The following TAFA2 variants were observed in gnomAD, a reference collection of about 807,000 sequenced individuals.
TAFA2 encodes the protein TAFA chemokine like family member 2, also known as chemokine-like protein TAFA-2.
A neutral mutation model predicts 18.8 loss-of-function variants in TAFA2; 7 were observed. That is an observed-to-expected ratio of 0.37 (90% CI 0.21 to 0.70). TAFA2 has a LOEUF of 0.70. Ranked by LOEUF, TAFA2 falls within the 30% of genes least tolerant of loss-of-function variation. The probability of loss-of-function intolerance (pLI) is 0.53; values close to 1 mark genes in which losing one functional copy is unlikely to be tolerated. For synonymous variants in TAFA2, 60 were observed against 54.2 expected (o/e 1.11, Z -0.47); for missense variants, 122 against 158.1 (o/e 0.77, Z 1.23).
intron 1 of TAFA2, among the ~76,000 whole-genome samples, chr12:62,029,823 CT>C (rs1297794373): frequency 2.5e-4 from 38 of 151,736 alleles, no homozygotes; most frequent in Middle Eastern, 6.8e-3. Context: ...CTCTCTCTCT[CT>C]CTCTCTCTCT....
intron 1 of TAFA2, among the ~76,000 whole-genome samples, chr12:61,907,318 G>A (rs1045649280): frequency 6.6e-6 from 1 of 152,194 alleles, no homozygotes; most frequent in Admixed American, 6.5e-5. Context: ...AGGACATGGT[G>A]CCCTGCATCC....
At chr12:61,722,942 A>G (rs536879083) in intron 4 of TAFA2, among the ~76,000 whole-genome samples, 1 of 152,246 alleles carries the variant, frequency 6.6e-6, no homozygotes, top group South Asian at 2.1e-4. Context: ...ACATAAACTT[A>G]TTTATGATAT....
chr12:61,760,577 T>TATG, intron 2 of TAFA2, among the ~76,000 whole-genome samples: 1 of 151,874 alleles, frequency 6.6e-6, no homozygotes, highest in African/African-American at 2.4e-5. Flanking sequence ...GTATGTGGTA[T>TATG]GTGTTTAATA....
At chr12:61,940,093 A>G (rs1877936143) in intron 1 of TAFA2, among the ~76,000 whole-genome samples, 2 of 152,260 alleles carry the variant, frequency 1.3e-5, no homozygotes, top group African/African-American at 2.4e-5. Flanking sequence ...ATAACAGAGA[A>G]CAGAACAGAA....
chr12:61,715,354 T>C (rs1869602966), intron 4 of TAFA2, among the ~76,000 whole-genome samples: 1 of 151,944 alleles, frequency 6.6e-6, no homozygotes, highest in Non-Finnish European at 1.5e-5. Context: ...TTTTATTTTA[T>C]TTTATTTTTT....
At chr12:62,212,282 T>G (rs1344163103) in intron 1 of TAFA2, among the ~76,000 whole-genome samples, 5 of 152,226 alleles carry the variant, frequency 3.3e-5, no homozygotes, top group Admixed American at 1.3e-4. Flanking sequence ...TCCTGTCATT[T>G]TAATGATATT....
intron 1 of TAFA2, among the ~76,000 whole-genome samples, chr12:62,212,028 C>A (rs1660633859): frequency 6.6e-6 from 1 of 152,158 alleles, no homozygotes; most frequent in Non-Finnish European, 1.5e-5. Flanking sequence ...TTATTAGTGA[C>A]CCACTTCACA....
chr12:62,197,130 T>C (rs1029615783), upstream of TAFA2, among the ~76,000 whole-genome samples: 8 of 152,192 alleles, frequency 5.3e-5, no homozygotes, highest in African/African-American at 1.9e-4. Context: ...ATCTAATGCC[T>C]GATGATCTGA....
chr12:62,016,333 G>T (rs1021226961), intron 1 of TAFA2, among the ~76,000 whole-genome samples: 1 of 152,098 alleles, frequency 6.6e-6, no homozygotes, highest in Non-Finnish European at 1.5e-5. Context: ...TTCTTTTCAG[G>T]AAAGCTCTCT....
chr12:61,853,983 A>C (rs1314272651), intron 2 of TAFA2, among the ~76,000 whole-genome samples: 4 of 152,290 alleles, frequency 2.6e-5, no homozygotes, highest in African/African-American at 9.6e-5. Flanking sequence ...CAAAAGAGAA[A>C]ACCTAAATGT....
At chr12:62,092,078 T>C (rs1188392809) in intron 1 of TAFA2, among the ~76,000 whole-genome samples, 1 of 151,960 alleles carries the variant, frequency 6.6e-6, no homozygotes, top group African/African-American at 2.4e-5. Flanking sequence ...TTCTACCTTC[T>C]TTCTTGATAA....
At chr12:62,068,409 C>A (rs555318351) in intron 1 of TAFA2, among the ~76,000 whole-genome samples, 1 of 152,246 alleles carries the variant, frequency 6.6e-6, no homozygotes, top group East Asian at 1.9e-4. Flanking sequence ...TCTGAGAGAA[C>A]AAGATGAGAT....
intron 1 of TAFA2, among the ~76,000 whole-genome samples, chr12:61,984,531 G>T (rs1879751088): frequency 6.6e-6 from 1 of 151,950 alleles, no homozygotes; most frequent in Non-Finnish European, 1.5e-5. Flanking sequence ...ATCCTTTGTG[G>T]TTTTTTTTCC....
intron 4 of TAFA2, among the ~76,000 whole-genome samples, chr12:61,726,268 G>A (rs897903045): frequency 4.0e-5 from 6 of 151,776 alleles, no homozygotes; most frequent in African/African-American, 1.5e-4. Flanking sequence ...CTAGTTATAT[G>A]AAGAATGATG....
intron 1 of TAFA2, among the ~76,000 whole-genome samples, chr12:61,897,612 C>G (rs540082337): frequency 1.3e-5 from 2 of 152,066 alleles, no homozygotes; most frequent in Non-Finnish European, 2.9e-5. Context: ...TGAGAACTCA[C>G]TCACTATCAC....
At chr12:61,953,932 C>A (rs955220701) in intron 1 of TAFA2, among the ~76,000 whole-genome samples, 44 of 152,314 alleles carry the variant, frequency 2.9e-4, no homozygotes, top group African/African-American at 1.0e-3. Flanking sequence ...GAAATTCTAT[C>A]ATTACCTAGA....
At chr12:61,968,197 A>G (rs1879131466) in intron 1 of TAFA2, among the ~76,000 whole-genome samples, 1 of 151,764 alleles carries the variant, frequency 6.6e-6, no homozygotes, top group African/African-American at 2.4e-5. Flanking sequence ...TTCTTTTTCT[A>G]TATACAACCT....
chr12:62,230,451 T>A (rs2062807541), intron 1 of TAFA2, among the ~76,000 whole-genome samples: 1 of 152,176 alleles, frequency 6.6e-6, no homozygotes, highest in Non-Finnish European at 1.5e-5. Flanking sequence ...ATTTTCTCTC[T>A]AATTTCTTCA....
chr12:61,739,519 T>G (rs1868364857), intron 4 of TAFA2, among the ~76,000 whole-genome samples: 1 of 152,092 alleles, frequency 6.6e-6, no homozygotes, highest in South Asian at 2.1e-4. Context: ...ATCTTTACCT[T>G]CAGTATCATA....
Sources: allele counts gnomAD v4.1 joint callset (sites outside exome capture counted in the v4.1 genomes callset), GRCh38; gene constraint gnomAD v4.1.1; transcripts MANE v1.5; gene names NCBI Gene and HGNC (gene_info 2026-07-23, HGNC 2026-07-21).